CHAT: variants seen among roughly 807,000 people sequenced by gnomAD.
CHAT encodes the protein acetyl CoA:choline O-acetyltransferase.
CHAT carries 61 observed loss-of-function variants against 76.9 expected under a neutral mutation model. The ratio of observed to expected loss-of-function variants is 0.79; its 90% CI spans 0.65 to 0.98. The LOEUF (loss-of-function observed/expected upper bound fraction) is 0.98, where lower values mean the gene tolerates loss of function less well. Among genes scored for constraint, CHAT ranks in the 50% least tolerant of loss-of-function variants. The pLI is 0.00. For synonymous variants in CHAT, 407 were observed against 397.4 expected, an observed-to-expected ratio of 1.02 and a Z score of -0.29; for missense variants, 946 against 986.9, an observed-to-expected ratio of 0.96 and a Z score of 0.56.
chr10:49,626,314 G>C (rs868268376), intron 6 of CHAT, among the ~76,000 whole-genome samples: 2 of 152,180 alleles, frequency 1.3e-5, no homozygotes, highest in Admixed American at 6.5e-5. Context: ...CCTCTTCCCT[G>C]TGCCCACTGC....
At chr10:49,620,796 G>A (rs935606271) in intron 4 of CHAT, among the ~76,000 whole-genome samples, 183 bp downstream of exon 4, 1 of 152,240 alleles carries the variant, frequency 6.6e-6, no homozygotes, top group Non-Finnish European at 1.5e-5. Context: ...GGCTGCACTC[G>A]AGTGACAATC....
At chr10:49,657,202 G>T (rs946542569) in intron 13 of CHAT, among the ~76,000 whole-genome samples, 6 of 152,268 alleles carry the variant, frequency 3.9e-5, no homozygotes, top group East Asian at 1.9e-4. Context: ...GGCAAAGCCT[G>T]CTCTGTGCTT....
At chr10:49,659,386 G>A (rs1346543495) in intron 13 of CHAT, among the ~76,000 whole-genome samples, 2 of 152,088 alleles carry the variant, frequency 1.3e-5, no homozygotes, top group African/African-American at 4.8e-5. Context: ...GGAAATCATA[G>A]GCTGAAAAAA....
Position 49,649,510 on chromosome 10 carries a change from C to T in CHAT, c.1385C>T (p.Thr462Met), listed in dbSNP as rs538478136. The T allele has an allele frequency of 7.9e-5, 128 of 1,613,792 alleles. No individual in the cohort carries two copies. Among genetic ancestry groups the T allele is most frequent in the Middle Eastern group, 3.3e-4 (2 of 6,060 alleles). ...QCTEHLLKHV[T>M]QSSRKLIRAD... ...GGAGGTTGCCTCTGTGCCCGCAGGA[C>T]GCAGAGCAGCAGGAAGCTGATCCGA... Residue 462 changes from threonine to methionine, a missense_variant and splice_region_variant, in exon 10 of 15, where the codon ACG becomes ATG. Around this residue, in one of 3 missense-constraint regions of CHAT, gnomAD observed 349 missense variants for 393.9 expected, o/e 0.89. Coordinates refer to ENST00000337653, the MANE Select transcript of CHAT (RefSeq NM_020549.5).
At chr10:49,620,902 G>A (rs146753981) in intron 4 of CHAT, among the ~76,000 whole-genome samples, 2 of 152,232 alleles carry the variant, frequency 1.3e-5, no homozygotes, top group Non-Finnish European at 2.9e-5. Context: ...CCTGGCTGAG[G>A]CCCTGGGAGG....
In CHAT at chr10:49,663,368, T is replaced by G. The variant is rs551726850; in HGVS notation, c.1977+586T>G. On this transcript the variant is annotated intron_variant, in intron 14 of 14. Coordinates refer to ENST00000337653, the MANE Select transcript of CHAT (RefSeq NM_020549.5). ...ACCATTACACCTTACTACCTTTCAATCTATTGCCGCGGTTTCCACGGGCTC... is the reference window on the plus strand; with the variant it reads ...ACCATTACACCTTACTACCTTTCAAGCTATTGCCGCGGTTTCCACGGGCTC... Among the ~76,000 whole-genome samples, 13 of 152,304 alleles carry G rather than the reference T, an allele frequency of 8.5e-5. No homozygotes were observed. In the South Asian group the frequency reaches 2.7e-3, roughly 32 times the overall value.
chr10:49,662,742 C>T lies in CHAT; in HGVS notation c.1937C>T (p.Thr646Ile), dbSNP rs1840234100. The T allele has an allele frequency of 1.2e-6, 2 of 1,614,236 alleles. No individual in the cohort carries two copies. Among genetic ancestry groups the T allele is most frequent in the Non-Finnish European group, 1.7e-6 (2 of 1,180,050 alleles). ...KELPEMFMDE[T>I]YLMSNRFVLS... ...CTGCCCGAGATGTTCATGGATGAAACCTACCTGATGAGCAACCGGTTTGTC... is the reference window on the plus strand; with the variant it reads ...CTGCCCGAGATGTTCATGGATGAAATCTACCTGATGAGCAACCGGTTTGTC... Residue 646 changes from threonine to isoleucine, a missense_variant, in exon 14 of 15, where the codon ACC becomes ATC. Physicochemically the swap from Thr to Ile is moderately conservative, Grantham distance 89 (BLOSUM62 -1). Transcript: ENST00000337653.
chr10:49,626,101 C>T (rs979888682), intron 6 of CHAT, among the ~76,000 whole-genome samples: 3 of 152,170 alleles, frequency 2.0e-5, no homozygotes, highest in African/African-American at 4.8e-5. Flanking sequence ...GCAGAGGGGG[C>T]CTTAGGATCT....
At chr10:49,611,177 T>C, upstream of CHAT, 1 of 1,614,170 alleles carries the variant, frequency 6.2e-7, no homozygotes, top group Non-Finnish European at 8.5e-7. Context: ...GGGCCCTTCA[T>C]CGACCGCATG....
At chr10:49,614,030 G>T (rs1178214988), upstream of CHAT, 39 of 1,321,250 alleles carry the variant, frequency 3.0e-5, no homozygotes, top group Admixed American at 1.0e-4. Flanking sequence ...GAAGTGCGGT[G>T]ACTGGGAAAT....
chr10:49,650,184 C>T (rs1176208523), intron 10 of CHAT, among the ~76,000 whole-genome samples: 3 of 152,150 alleles, frequency 2.0e-5, no homozygotes, highest in Admixed American at 2.0e-4. Flanking sequence ...TAAGCAAGCA[C>T]GAATGCATTC....
At chr10:49,626,299 C>T (rs1838919762) in intron 6 of CHAT, among the ~76,000 whole-genome samples, 1 of 152,216 alleles carries the variant, frequency 6.6e-6, no homozygotes, top group African/African-American at 2.4e-5. Context: ...CATGAGGGCT[C>T]CTGACCTCTT....
rs749953628 is a variant in CHAT, at chr10:49,655,278, G to T, written c.1776+42G>T. ...CCCACGGCCACAGGAAACCAGTGAGGCTGCTGTGGTTGCCCTGGGTTGCAG... is the reference window on the plus strand; with the variant it reads ...CCCACGGCCACAGGAAACCAGTGAGTCTGCTGTGGTTGCCCTGGGTTGCAG... On this transcript the variant is annotated intron_variant, in intron 12 of 14. Transcript: ENST00000337653. 7.4e-6 allele frequency: 12 copies of T among 1,613,960 alleles called. No individual in the cohort carries two copies. The South Asian group carries it at 1.1e-4, about 15-fold the overall frequency.
intron 2 of CHAT, among the ~76,000 whole-genome samples, chr10:49,617,166 C>T (rs1160659309): frequency 6.6e-6 from 1 of 151,952 alleles, no homozygotes; most frequent in Non-Finnish European, 1.5e-5. Flanking sequence ...CTTTTTGCCA[C>T]TCCTCTTCCC....
upstream of CHAT, chr10:49,614,023 G>A: frequency 7.9e-7 from 1 of 1,262,298 alleles, no homozygotes; most frequent in Non-Finnish European, 1.1e-6. Context: ...GGTTGGGGAA[G>A]TGCGGTGACT....
At position 49,614,362 on chromosome 10, in the gene CHAT, GC is replaced by G; in HGVS notation, c.178del (p.His60ThrfsTer140). 2 of 1,545,320 alleles carry G rather than the reference GC, an allele frequency of 1.3e-6. No individual in the cohort carries two copies. Among genetic ancestry groups the G allele is most frequent in the Non-Finnish European group, 1.7e-6 (2 of 1,145,034 alleles). Reference sequence around the variant, plus strand: ...GGCCCTGCCGGGAACCCAGGCTGCAGCCCCCACCCCCGCGCTGCGACACGCC... The same window carrying G: ...GGCCCTGCCGGGAACCCAGGCTGCAGCCCCACCCCCGCGCTGCGACACGCC... ...VGGPAGNPGC[S>X]PHPRAATRPP... is the part of the protein sequence containing the mutation. On this transcript the variant is annotated frameshift_variant, in exon 1 of 15. Coordinates refer to ENST00000337653, the MANE Select transcript of CHAT (RefSeq NM_020549.5). LOFTEE classifies it high-confidence loss of function.
chr10:49,609,858 C>T (rs972627874), upstream of CHAT, among the ~76,000 whole-genome samples: 33 of 151,594 alleles, frequency 2.2e-4, no homozygotes, highest in African/African-American at 6.8e-4. Flanking sequence ...GGCGGCTCAC[C>T]TCGGGGGCTT....
chr10:49,621,995 G>A, intron 4 of CHAT, 102 bp from the exon 5 acceptor site: 3 of 1,346,820 alleles, frequency 2.2e-6, no homozygotes, highest in African/African-American at 1.4e-5. Context: ...AGAGGAAGGA[G>A]ATGGAAGGAA....
intron 7 of CHAT, among the ~76,000 whole-genome samples, chr10:49,636,575 A>G (rs1036789713): frequency 4.6e-5 from 7 of 152,218 alleles, no homozygotes; most frequent in Non-Finnish European, 8.8e-5. Flanking sequence ...ATTTTCTGAA[A>G]GAGATTGTAT....
Sources: gnomAD v4.1 joint callset for allele counts (sites outside exome capture counted in the v4.1 genomes callset) on GRCh38, gnomAD v4.1.1 for gene constraint, gnomAD v4.1.1 regional missense constraint, MANE v1.5 for transcripts, NCBI Gene and HGNC (gene_info 2026-07-23, HGNC 2026-07-21) for gene names.